GRID2: variants seen among roughly 807,000 people sequenced by gnomAD.
GRID2 encodes glutamate ionotropic receptor delta type subunit 2, also known as glutamate receptor ionotropic, delta-2.
A neutral mutation model predicts 114.8 loss-of-function variants in GRID2; 33 were observed. The observed-to-expected ratio is 0.29, with a 90% confidence interval of 0.22 to 0.38. The LOEUF is 0.38. Among genes scored for constraint, GRID2 ranks in the 10% least tolerant of loss-of-function variants. The probability of loss-of-function intolerance (pLI) is 1.00; values close to 1 mark genes in which losing one functional copy is unlikely to be tolerated. For missense variants in GRID2, 1,184 were observed against 1,257.7 expected (o/e 0.94, Z 0.89); for synonymous variants, 505 against 449.9 (o/e 1.12, Z -1.55).
chr4:92,660,135 T>C (rs1452775311), intron 2 of GRID2, among the ~76,000 whole-genome samples: 1 of 151,394 alleles, frequency 6.6e-6, no homozygotes, highest in African/African-American at 2.4e-5. Context: ...AAATCATGCA[T>C]GCAATATTCA....
intron 2 of GRID2, among the ~76,000 whole-genome samples, chr4:92,771,556 A>G (rs1222026920): frequency 6.6e-6 from 1 of 152,192 alleles, no homozygotes; most frequent in East Asian, 1.9e-4. Context: ...TTAAGACTTA[A>G]TCAAATGAGA....
chr4:93,024,701 T>C lies in GRID2; in HGVS notation c.245-60294T>C, dbSNP rs549320292. 4.6e-5 allele frequency among the ~76,000 whole-genome samples: 7 copies of C among 151,954 alleles called. No homozygotes were observed. In the East Asian group the frequency reaches 1.2e-3, roughly 25 times the overall value. ...CTGAATACTTAAGATTTTCATATATTGTTGTATGTAAACTAAATGTCAATT... is the reference window on the plus strand; with the variant it reads ...CTGAATACTTAAGATTTTCATATATCGTTGTATGTAAACTAAATGTCAATT... On this transcript the variant is annotated intron_variant, in intron 2 of 15. Transcript: ENST00000282020.
chr4:92,979,345 T>C (rs1754049409), intron 2 of GRID2, among the ~76,000 whole-genome samples: 1 of 152,020 alleles, frequency 6.6e-6, no homozygotes, highest in Non-Finnish European at 1.5e-5. Flanking sequence ...TATAATTTAT[T>C]ATAATTATAA....
chr4:93,019,567 G>A (rs568905181), intron 2 of GRID2, among the ~76,000 whole-genome samples: 1 of 151,990 alleles, frequency 6.6e-6, no homozygotes, highest in South Asian at 2.1e-4. Flanking sequence ...TTCAGAATTC[G>A]TAGCCTTAAA....
chr4:92,526,714 A>G (rs750575812), intron 1 of GRID2, among the ~76,000 whole-genome samples: 1 of 148,304 alleles, frequency 6.7e-6, no homozygotes. Flanking sequence ...ATAAACACCT[A>G]TCTAATTGGC....
At chr4:92,895,456 G>A (rs1162847302) in intron 2 of GRID2, among the ~76,000 whole-genome samples, 1 of 144,734 alleles carries the variant, frequency 6.9e-6, no homozygotes, top group Non-Finnish European at 1.5e-5. Flanking sequence ...AGTTATATAA[G>A]CTTATCAGAC....
At chr4:93,227,463 A>G (rs949820062) in intron 7 of GRID2, among the ~76,000 whole-genome samples, 1 of 151,990 alleles carries the variant, frequency 6.6e-6, no homozygotes, top group Non-Finnish European at 1.5e-5. Context: ...TCCTGACCTC[A>G]TGATCTGCCT....
At chr4:92,571,434 C>T (rs951690664) in intron 1 of GRID2, among the ~76,000 whole-genome samples, 4 of 151,856 alleles carry the variant, frequency 2.6e-5, no homozygotes, top group African/African-American at 9.7e-5. Context: ...AATAATAATG[C>T]GAGACTTTAA....
At chr4:92,879,238 G>A (rs1225710045) in intron 2 of GRID2, among the ~76,000 whole-genome samples, 1 of 152,144 alleles carries the variant, frequency 6.6e-6, no homozygotes, top group Non-Finnish European at 1.5e-5. Context: ...TGAGGGTATT[G>A]ATACTTTGCC....
chr4:92,573,748 A>G (rs1000107403), intron 1 of GRID2, among the ~76,000 whole-genome samples: 7 of 152,060 alleles, frequency 4.6e-5, no homozygotes, highest in African/African-American at 1.7e-4. Flanking sequence ...GATTGATTTT[A>G]GAGTAAGTGA....
At chr4:92,973,054 T>C (rs1753631394) in intron 2 of GRID2, among the ~76,000 whole-genome samples, 1 of 152,158 alleles carries the variant, frequency 6.6e-6, no homozygotes, top group South Asian at 2.1e-4. Context: ...CTGTGAATAG[T>C]GTTGCAATGA....
chr4:92,784,164 T>A (rs1188149216), intron 2 of GRID2, among the ~76,000 whole-genome samples: 1 of 152,062 alleles, frequency 6.6e-6, no homozygotes, highest in Non-Finnish European at 1.5e-5. Flanking sequence ...TAAGAGCATG[T>A]TTCAAAGATA....
At chr4:93,098,390 A>G (rs749429281) in intron 3 of GRID2, among the ~76,000 whole-genome samples, 1 of 152,014 alleles carries the variant, frequency 6.6e-6, no homozygotes, top group Non-Finnish European at 1.5e-5. Context: ...CGTTCCAGGC[A>G]GACTCACCAT....
intron 2 of GRID2, among the ~76,000 whole-genome samples, chr4:92,869,470 G>T (rs1461682965): frequency 2.0e-5 from 3 of 152,146 alleles, no homozygotes; most frequent in African/African-American, 7.2e-5. Context: ...AGTTCGGATG[G>T]CTCATGTATA....
chr4:92,612,188 A>G (rs1021264237), intron 2 of GRID2, among the ~76,000 whole-genome samples: 2 of 151,464 alleles, frequency 1.3e-5, no homozygotes, highest in Non-Finnish European at 3.0e-5. Flanking sequence ...GGGGAAATCC[A>G]ATTTAACCTG....
At chr4:93,672,514 C>A (rs1378416265) in intron 14 of GRID2, among the ~76,000 whole-genome samples, 2 of 152,218 alleles carry the variant, frequency 1.3e-5, no homozygotes, top group African/African-American at 2.4e-5. Context: ...ACGTGGCATG[C>A]CAGCTTCCAT....
chr4:93,152,545 T>C (rs923306652), intron 4 of GRID2, among the ~76,000 whole-genome samples: 4 of 152,154 alleles, frequency 2.6e-5, no homozygotes, highest in Non-Finnish European at 5.9e-5. Flanking sequence ...GGTGGATACA[T>C]ACTGGTTAGC....
At chr4:93,674,442 G>A (rs1302154454) in intron 14 of GRID2, among the ~76,000 whole-genome samples, 4 of 152,024 alleles carry the variant, frequency 2.6e-5, no homozygotes, top group Non-Finnish European at 4.4e-5. Flanking sequence ...AAAATAATGG[G>A]CACTAAATTT....
chr4:92,492,184 G>A (rs1015572419), intron 1 of GRID2, among the ~76,000 whole-genome samples: 4 of 152,078 alleles, frequency 2.6e-5, no homozygotes, highest in African/African-American at 9.7e-5. Context: ...TCTAGAAAGG[G>A]ATCTTATTAA....
Sources: allele counts gnomAD v4.1 joint callset (sites outside exome capture counted in the v4.1 genomes callset), GRCh38; gene constraint gnomAD v4.1.1; transcripts MANE v1.5; gene names NCBI Gene and HGNC (gene_info 2026-07-23, HGNC 2026-07-21).